The following RNF169 variants were observed in gnomAD, a reference collection of about 807,000 sequenced individuals.
RNF169 encodes E3 ubiquitin-protein ligase RNF169.
A neutral mutation model predicts 53.9 loss-of-function variants in RNF169; 24 were observed. That is an observed-to-expected ratio of 0.45 (90% CI 0.32 to 0.63). The LOEUF (loss-of-function observed/expected upper bound fraction) is 0.63. RNF169 is among the 20% of genes least tolerant of loss of function. The pLI, the probability that RNF169 is intolerant of heterozygous loss-of-function variation, is 0.04. For missense variants in RNF169, 883 were observed against 906.2 expected (o/e 0.97, Z 0.33); for synonymous variants, 396 against 363.5 (o/e 1.09, Z -1.02).
intron 2 of RNF169, among the ~76,000 whole-genome samples, chr11:74,795,677 A>G (rs1431469811): frequency 2.0e-5 from 3 of 151,912 alleles, no homozygotes; most frequent in African/African-American, 4.8e-5. Context: ...CCTGAGCAAT[A>G]TAGTGAGACC....
At chr11:74,785,094 G>A (rs1241869971) in intron 1 of RNF169, among the ~76,000 whole-genome samples, 2 of 149,150 alleles carry the variant, frequency 1.3e-5, no homozygotes, top group African/African-American at 2.5e-5. Context: ...AGCTTGGCCG[G>A]TATTTTGATC....
intron 1 of RNF169, among the ~76,000 whole-genome samples, chr11:74,777,951 C>T (rs1467853781): frequency 6.6e-6 from 1 of 152,172 alleles, no homozygotes; most frequent in Non-Finnish European, 1.5e-5. Flanking sequence ...TTGTCTTTCT[C>T]ACTAATCCAG....
intron 2 of RNF169, among the ~76,000 whole-genome samples, chr11:74,798,195 C>T (rs1226663245): frequency 6.6e-6 from 1 of 152,204 alleles, no homozygotes; most frequent in Non-Finnish European, 1.5e-5. Context: ...CGAGAGATAA[C>T]CTTAAACTCT....
chr11:74,812,498 G>A (rs1220478221), intron 3 of RNF169, among the ~76,000 whole-genome samples: 1 of 152,118 alleles, frequency 6.6e-6, no homozygotes, highest in South Asian at 2.1e-4. Flanking sequence ...AGAGATGAGG[G>A]TGTCCCTATG....
chr11:74,827,732 T>C (rs778550144), intron 4 of RNF169, among the ~76,000 whole-genome samples: 3 of 152,102 alleles, frequency 2.0e-5, no homozygotes, highest in Non-Finnish European at 4.4e-5. Context: ...ACAAAAACCA[T>C]ATGATTATCT....
intron 1 of RNF169, among the ~76,000 whole-genome samples, chr11:74,778,807 A>G (rs966762675): frequency 3.9e-5 from 6 of 152,230 alleles, no homozygotes; most frequent in Admixed American, 3.9e-4. Flanking sequence ...TAGACAAGGA[A>G]TGAATTTCTG....
At chr11:74,770,383 A>G (rs891406056) in intron 1 of RNF169, among the ~76,000 whole-genome samples, 2 of 152,246 alleles carry the variant, frequency 1.3e-5, no homozygotes, top group Non-Finnish European at 2.9e-5. Flanking sequence ...GGTAGAAAGC[A>G]GGTTATGGAT....
chr11:74,750,625 T>C (rs1272463409), intron 1 of RNF169, among the ~76,000 whole-genome samples: 1 of 112,680 alleles, frequency 8.9e-6, no homozygotes, highest in Non-Finnish European at 1.7e-5. Context: ...TGAGATGGAG[T>C]CTCGCACTGT....
chr11:74,765,806 C>CAAAAA (rs35483204), intron 1 of RNF169, among the ~76,000 whole-genome samples: 1 of 108,980 alleles, frequency 9.2e-6, no homozygotes, highest in Non-Finnish European at 1.9e-5. Flanking sequence ...GGCAACATCT[C>CAAAAA]AAAAAAAAAA....
At chr11:74,793,291 A>G (rs937697697) in intron 2 of RNF169, among the ~76,000 whole-genome samples, 1 of 152,246 alleles carries the variant, frequency 6.6e-6, no homozygotes, top group African/African-American at 2.4e-5. Context: ...TTTCTAAAAC[A>G]GATCTCAGTA....
At chr11:74,782,913 T>G (rs1329609169) in intron 1 of RNF169, among the ~76,000 whole-genome samples, 1 of 151,878 alleles carries the variant, frequency 6.6e-6, no homozygotes, top group Non-Finnish European at 1.5e-5. Flanking sequence ...AGAGGTTTTT[T>G]TTTTTTTTTT....
intron 1 of RNF169, among the ~76,000 whole-genome samples, chr11:74,784,357 C>G (rs970729980): frequency 6.6e-6 from 1 of 152,126 alleles, no homozygotes; most frequent in Non-Finnish European, 1.5e-5. Flanking sequence ...CAAGACCACC[C>G]ACAGGTTCAC....
At chr11:74,769,814 C>G (rs987945098) in intron 1 of RNF169, among the ~76,000 whole-genome samples, 6 of 152,154 alleles carry the variant, frequency 3.9e-5, no homozygotes, top group African/African-American at 1.4e-4. Context: ...CTTGTACCCC[C>G]CAACAAGGTC....
Position 74,842,072 on chromosome 11 carries a change from C to T in RNF169, c.*5342C>T, listed in dbSNP as rs1002260738. ...AACTCTTTGTACAAATATTATTGTC[C>T]TAAGGGCCTTTTCCCCTCCTGCCTA... On this transcript the variant is annotated 3_prime_UTR_variant, in exon 6 of 6. Transcript: ENST00000299563. The T allele has an allele frequency of 6.6e-6, 1 of 151,956 alleles. No homozygotes were observed. The highest frequency in any genetic ancestry group is 2.4e-5 in the African/African-American group (1 of 41,320). 9.4% of individuals were successfully genotyped at this position (151,956 alleles called of 1,614,324 possible).
chr11:74,766,750 T>C (rs1042197916), intron 1 of RNF169, among the ~76,000 whole-genome samples: 2 of 152,186 alleles, frequency 1.3e-5, no homozygotes, highest in Non-Finnish European at 2.9e-5. Context: ...TTTGAAACTT[T>C]TCCATAAAAA....
At chr11:74,827,678 A>G (rs2135142731) in intron 4 of RNF169, among the ~76,000 whole-genome samples, 1 of 152,318 alleles carries the variant, frequency 6.6e-6, no homozygotes, top group African/African-American at 2.4e-5. Flanking sequence ...GGTTCAGCGT[A>G]GGCAAATCAA....
intron 1 of RNF169, among the ~76,000 whole-genome samples, chr11:74,753,209 C>G (rs1372222269): frequency 1.3e-5 from 2 of 152,170 alleles, no homozygotes; most frequent in Admixed American, 6.5e-5. Flanking sequence ...CTCAGGTGAT[C>G]CACCCACCTC....
intron 4 of RNF169, among the ~76,000 whole-genome samples, chr11:74,833,093 A>G (rs181928277): frequency 4.6e-4 from 70 of 152,310 alleles, no homozygotes; most frequent in Admixed American, 2.9e-3. Flanking sequence ...TCTTTCTCCT[A>G]TTAACACTAT....
In RNF169 at chr11:74,841,715, T is replaced by C. The variant is rs1233958856; in HGVS notation, c.*4985T>C. The C allele has an allele frequency of 1.3e-5, 2 of 152,230 alleles. No homozygotes were observed. The highest frequency in any genetic ancestry group is 2.9e-5 in the Non-Finnish European group (2 of 68,038). 9.4% of individuals were successfully genotyped at this position (152,230 alleles called of 1,614,324 possible). On this transcript the variant is annotated 3_prime_UTR_variant, in exon 6 of 6. Transcript: ENST00000299563. Reference sequence around the variant, plus strand: ...TTTGAAGCCAAGGCAAAGCAAGGTTTGTTCATCTTCCTTTCCTGTCATTTA... The same window carrying C: ...TTTGAAGCCAAGGCAAAGCAAGGTTCGTTCATCTTCCTTTCCTGTCATTTA...
Sources: allele counts gnomAD v4.1 joint callset (sites outside exome capture counted in the v4.1 genomes callset), GRCh38; gene constraint gnomAD v4.1.1; transcripts MANE v1.5; gene names NCBI Gene and HGNC (gene_info 2026-07-23, HGNC 2026-07-21).